The following CADPS2 variants were observed in gnomAD, a reference collection of about 807,000 sequenced individuals.
CADPS2 encodes calcium-dependent secretion activator 2.
A neutral mutation model predicts 172.5 loss-of-function variants in CADPS2; 93 were observed. The observed-to-expected ratio is 0.54, with a 90% CI of 0.46 to 0.64. CADPS2 has a LOEUF of 0.64. Ranked by LOEUF, CADPS2 falls within the 30% of genes least tolerant of loss-of-function variation. CADPS2 has a pLI of 0.00. For synonymous variants in CADPS2, 546 were observed against 555.2 expected (o/e 0.98, Z 0.23); for missense variants, 1,420 against 1,565.9 (o/e 0.91, Z 1.57).
At chr7:122,671,880 T>C (rs768321507) in intron 2 of CADPS2, among the ~76,000 whole-genome samples, 12 of 152,158 alleles carry the variant, frequency 7.9e-5, no homozygotes, top group Non-Finnish European at 1.3e-4. Flanking sequence ...AACCCATCCA[T>C]ACACTTGCAT....
chr7:122,827,877 A>G (rs1174049906), intron 1 of CADPS2, among the ~76,000 whole-genome samples: 1 of 152,210 alleles, frequency 6.6e-6, no homozygotes, highest in Admixed American at 6.5e-5. Context: ...AGAATTCTAC[A>G]CTATGGTGAA....
chr7:122,573,572 C>T (rs1404866958), intron 7 of CADPS2, among the ~76,000 whole-genome samples: 1 of 152,000 alleles, frequency 6.6e-6, no homozygotes, highest in East Asian at 1.9e-4. Flanking sequence ...TCAGGCAGCT[C>T]TTTTTCTAAC....
At chr7:122,768,551 G>C (rs2093621500) in intron 1 of CADPS2, among the ~76,000 whole-genome samples, 1 of 151,434 alleles carries the variant, frequency 6.6e-6, no homozygotes, top group Non-Finnish European at 1.5e-5. Flanking sequence ...AACCGTATCA[G>C]ACAAAGAGGA....
At chr7:122,734,356 T>TAAAAAAAAAAAGAAAAAAAAAAAAAAAAA (rs2091944357) in intron 2 of CADPS2, among the ~76,000 whole-genome samples, 1 of 46,294 alleles carries the variant, frequency 2.2e-5, no homozygotes, top group Admixed American at 3.9e-4. Context: ...CCAGAAATAG[T>TAAAAAAAAAAAGAAAAAAAAAAAAAAAAA]AAAAAAAAAA....
chr7:122,860,629 T>C (rs1473619893), intron 1 of CADPS2, among the ~76,000 whole-genome samples: 1 of 152,188 alleles, frequency 6.6e-6, no homozygotes, highest in Non-Finnish European at 1.5e-5. Flanking sequence ...AAACAGGTTA[T>C]TTTAAAATGA....
At chr7:122,600,510 T>C (rs2072592119) in intron 6 of CADPS2, among the ~76,000 whole-genome samples, 1 of 152,118 alleles carries the variant, frequency 6.6e-6, no homozygotes, top group Non-Finnish European at 1.5e-5. Context: ...TCACATTAAG[T>C]CCACAAACTT....
chr7:122,355,086 T>C (rs1263235953), intron 27 of CADPS2, among the ~76,000 whole-genome samples: 1 of 152,180 alleles, frequency 6.6e-6, no homozygotes, highest in Non-Finnish European at 1.5e-5. Flanking sequence ...GTTACAAAGA[T>C]ACAAAAGACT....
intron 1 of CADPS2, among the ~76,000 whole-genome samples, chr7:122,798,825 C>T (rs558729686): frequency 2.0e-5 from 3 of 151,960 alleles, no homozygotes; most frequent in African/African-American, 7.2e-5. Flanking sequence ...TACTTATGTA[C>T]ACTTGCCTCA....
chr7:122,758,439 G>T (rs2093254921), intron 1 of CADPS2, among the ~76,000 whole-genome samples: 1 of 152,066 alleles, frequency 6.6e-6, no homozygotes, highest in African/African-American at 2.4e-5. Context: ...GTAAAACAAA[G>T]CAAATGCAAT....
intron 17 of CADPS2, among the ~76,000 whole-genome samples, chr7:122,420,747 T>C (rs1306895113): frequency 1.3e-5 from 2 of 152,240 alleles, no homozygotes; most frequent in Non-Finnish European, 2.9e-5. Context: ...AAAACAAACA[T>C]GCCAAAAGTA....
intron 17 of CADPS2, among the ~76,000 whole-genome samples, chr7:122,428,466 TATATA>T (rs199716984): frequency 7.8e-6 from 1 of 128,648 alleles, no homozygotes; most frequent in African/African-American, 3.1e-5. Flanking sequence ...TATATATATA[TATATA>T]TTTTTTTTTT....
intron 2 of CADPS2, among the ~76,000 whole-genome samples, chr7:122,694,232 T>C (rs768670235): frequency 2.0e-4 from 31 of 152,038 alleles, no homozygotes; most frequent in Non-Finnish European, 4.0e-4. Flanking sequence ...ACTGGGAAGA[T>C]AGGGACAACA....
intron 20 of CADPS2, among the ~76,000 whole-genome samples, chr7:122,407,077 AT>A (rs2046740927): frequency 1.3e-5 from 2 of 152,322 alleles, no homozygotes; most frequent in Admixed American, 1.3e-4. Flanking sequence ...CCACACAGCA[AT>A]ATCTCCCTAT....
chr7:122,477,817 A>G (rs1470554796), intron 12 of CADPS2, among the ~76,000 whole-genome samples: 1 of 152,190 alleles, frequency 6.6e-6, no homozygotes, highest in Non-Finnish European at 1.5e-5. Flanking sequence ...CTACTTAACA[A>G]AAATCACTAA....
rs1564069432 is a variant in CADPS2 at position 122,688,797 on chromosome 7, C to T, written c.454-25228G>A. Among the ~76,000 whole-genome samples, 3 of 152,166 alleles carry T rather than the reference C, an allele frequency of 2.0e-5. No homozygotes were observed. The South Asian group carries it at 6.2e-4, about 31-fold the overall frequency. ...GAGTTATACACCTGAGCTCTAAACT[C>T]GCTGAGTCACTCAGCCTGTCCTTGA... On this transcript the variant is annotated intron_variant, in intron 2 of 29. Transcript: ENST00000449022.
At chr7:122,821,416 G>GC (rs1338897800) in intron 1 of CADPS2, among the ~76,000 whole-genome samples, 4 of 151,876 alleles carry the variant, frequency 2.6e-5, no homozygotes, top group Non-Finnish European at 4.4e-5. Flanking sequence ...GATTATTCAG[G>GC]CCCCCTCCCT....
At chr7:122,877,774 AAC>A (rs1335058460) in intron 1 of CADPS2, among the ~76,000 whole-genome samples, 2 of 152,186 alleles carry the variant, frequency 1.3e-5, no homozygotes, top group Admixed American at 6.5e-5. Flanking sequence ...TTTAATTAAC[AAC>A]TAGAAACGAT....
chr7:122,437,247 G>T (rs541247611), intron 17 of CADPS2, among the ~76,000 whole-genome samples: 39 of 152,228 alleles, frequency 2.6e-4, no homozygotes, highest in South Asian at 1.0e-3. Context: ...TGGTAACTAA[G>T]GAGGTTTCAT....
intron 7 of CADPS2, among the ~76,000 whole-genome samples, chr7:122,556,293 A>G (rs1461007070): frequency 6.6e-6 from 1 of 151,968 alleles, no homozygotes; most frequent in Non-Finnish European, 1.5e-5. Context: ...AGATTATTCC[A>G]AAAAAGAATA....
Sources: allele counts gnomAD v4.1 joint callset (sites outside exome capture counted in the v4.1 genomes callset), GRCh38; gene constraint gnomAD v4.1.1; transcripts MANE v1.5; gene names NCBI Gene and HGNC (gene_info 2026-07-23, HGNC 2026-07-21).